ITGA8: variants seen among roughly 807,000 people sequenced by gnomAD.
The protein encoded by ITGA8 is integrin alpha-8.
Under a neutral mutation model 142.3 loss-of-function variants are expected in ITGA8, and 91 were observed. The ratio of observed to expected loss-of-function variants is 0.64; its 90% CI spans 0.54 to 0.76. The LOEUF is 0.76. Among genes scored for constraint, ITGA8 ranks in the 30% least tolerant of loss-of-function variants. The probability of loss-of-function intolerance (pLI) is 0.00; values close to 1 mark genes in which losing one functional copy is unlikely to be tolerated. For missense variants in ITGA8, 1,406 were observed against 1,327.7 expected (o/e 1.06, Z -0.92); for synonymous variants, 505 against 485.2 (o/e 1.04, Z -0.54).
At chr10:15,630,517 T>C (rs1588686011) in intron 13 of ITGA8, among the ~76,000 whole-genome samples, 1 of 151,900 alleles carries the variant, frequency 6.6e-6, no homozygotes, top group Non-Finnish European at 1.5e-5. Context: ...ACATGTGTAA[T>C]TTCCATCTGA....
At chr10:15,625,490 C>A (rs1292962028) in intron 13 of ITGA8, among the ~76,000 whole-genome samples, 1 of 152,186 alleles carries the variant, frequency 6.6e-6, no homozygotes, top group Non-Finnish European at 1.5e-5. Context: ...TTTATTTCTA[C>A]AGTACCAGTG....
Position 15,662,188 on chromosome 10 carries a change from T to C in ITGA8, c.848-1266A>G, listed in dbSNP as rs911086976. 2.6e-5 allele frequency among the ~76,000 whole-genome samples: 4 copies of C among 152,280 alleles called. No homozygotes were observed. In the East Asian group the frequency reaches 7.7e-4, roughly 29 times the overall value. ...AGTAAAGATCCTCCTAATTTTTTAA[T>C]AAGTGATCAGGACAGCTTAATTGCT... On this transcript the variant is annotated intron_variant, in intron 8 of 29. Transcript: ENST00000378076.
At chr10:15,636,649 C>T (rs547291946) in intron 13 of ITGA8, among the ~76,000 whole-genome samples, 4 of 152,316 alleles carry the variant, frequency 2.6e-5, no homozygotes, top group Non-Finnish European at 4.4e-5. Context: ...CTGCCACCTC[C>T]TCTCCCTTCC....
At chr10:15,584,301 G>A (rs572575915) in intron 23 of ITGA8, among the ~76,000 whole-genome samples, 21 of 106,404 alleles carry the variant, frequency 2.0e-4, no homozygotes, top group African/African-American at 7.7e-4. Flanking sequence ...TCAAGAAAAA[G>A]AAAAGAAAAG....
In ITGA8 at chr10:15,718,880, C is replaced by T; in HGVS notation, c.229G>A (p.Ala77Thr). The T allele has an allele frequency of 1.2e-6, 2 of 1,614,074 alleles. No homozygotes were observed. Among genetic ancestry groups the T allele is most frequent in the Non-Finnish European group, 1.7e-6 (2 of 1,180,030 alleles). Residue 77 changes from alanine (A) to threonine (T), a missense_variant, in exon 2 of 30, where the codon GCG becomes ACG. Physicochemically the swap from Ala to Thr is moderately conservative, Grantham distance 58. Transcript: ENST00000378076. ...GGCTGGCTGGTGTTGGCTTTGGGCG[C>T]CCCCACCAAGACACTCGCTCTGCAA... ...DARTASVLVG[A>T]PKANTSQPDI...
At chr10:15,534,770 G>T (rs1390619331) in intron 27 of ITGA8, among the ~76,000 whole-genome samples, 1 of 152,218 alleles carries the variant, frequency 6.6e-6, no homozygotes, top group Non-Finnish European at 1.5e-5. Context: ...GTAGCCTGGG[G>T]TGCTAGCAAA....
At chr10:15,651,717 G>A (rs1303816354) in intron 11 of ITGA8, among the ~76,000 whole-genome samples, 1 of 152,074 alleles carries the variant, frequency 6.6e-6, no homozygotes, top group Non-Finnish European at 1.5e-5. Context: ...TGTGCGTGCA[G>A]GGAAGTCCTC....
At chr10:15,698,730 A>G (rs887366973) in intron 2 of ITGA8, among the ~76,000 whole-genome samples, 1 of 152,080 alleles carries the variant, frequency 6.6e-6, no homozygotes, top group Non-Finnish European at 1.5e-5. Flanking sequence ...TTGTCTGTTC[A>G]TGTCCTTAGC....
chr10:15,609,486 A>G (rs1206059252), intron 15 of ITGA8, among the ~76,000 whole-genome samples: 2 of 152,196 alleles, frequency 1.3e-5, no homozygotes, highest in African/African-American at 4.8e-5. Context: ...ACCTCAGTCA[A>G]TGTCTCCCCT....
chr10:15,542,265 T>C (rs899324946), intron 27 of ITGA8, among the ~76,000 whole-genome samples: 1 of 152,238 alleles, frequency 6.6e-6, no homozygotes, highest in Non-Finnish European at 1.5e-5. Flanking sequence ...TGCTGCTGCA[T>C]AGAACTTTCT....
In ITGA8 at chr10:15,558,060, C is replaced by A; in HGVS notation, c.2766+14G>T. ...CTCATTTCCCTCAGTTCTATGCACA[C>A]TGGGATAACTCACCAGTATTTTTGC... is the stretch of plus-strand genomic sequence containing the variant. On this transcript the variant is annotated intron_variant, in intron 26 of 29. Transcript: ENST00000378076. 1 of 1,613,652 alleles carries A rather than the reference C, an allele frequency of 6.2e-7. No homozygotes were observed. The highest frequency in any genetic ancestry group is 1.1e-5 in the South Asian group (1 of 91,066).
chr10:15,618,949 G>C (rs1304322571), intron 13 of ITGA8, among the ~76,000 whole-genome samples: 4 of 152,206 alleles, frequency 2.6e-5, no homozygotes, highest in Non-Finnish European at 4.4e-5. Flanking sequence ...AACAGAGAGA[G>C]ACTGCAGATG....
chr10:15,718,680 C>T, intron 2 of ITGA8, 86 bp downstream of exon 2: 2 of 1,544,150 alleles, frequency 1.3e-6, no homozygotes, highest in Non-Finnish European at 1.8e-6. Flanking sequence ...ACGAGCAGCA[C>T]ACCAAGACAG....
intron 27 of ITGA8, among the ~76,000 whole-genome samples, chr10:15,541,802 G>GT (rs11318792): frequency 0.031 from 4,479 of 144,568 alleles, 80 homozygotes; most frequent in African/African-American, 0.033. Flanking sequence ...AACCTCACAA[G>GT]TTTTTTTTTT....
intron 20 of ITGA8, among the ~76,000 whole-genome samples, chr10:15,601,093 G>A (rs1043410364): frequency 1.3e-5 from 2 of 152,052 alleles, no homozygotes; most frequent in Admixed American, 6.6e-5. Context: ...ACTAAAATTA[G>A]TCAGGCGTGG....
intron 26 of ITGA8, among the ~76,000 whole-genome samples, chr10:15,553,302 G>GTTTTTTTTTTTTTTTTTTTTTT (rs5783451): frequency 7.6e-6 from 1 of 131,140 alleles, no homozygotes; most frequent in Non-Finnish European, 1.7e-5. Context: ...AGTTGCCATA[G>GTTTTTTTTTTTTTTTTTTTTTT]TTTTTTTTTT....
rs370680990 is a variant in ITGA8, at chr10:15,575,389, C to T, written c.2478+100G>A. 4 of 877,990 alleles carry T rather than the reference C, an allele frequency of 4.6e-6. No homozygotes were observed. In the African/African-American group the frequency reaches 6.7e-5, roughly 15 times the overall value. The allele number at this position is 877,990 out of a possible 1,614,324, so 54.4% of individuals were successfully genotyped here. On this transcript the variant is annotated intron_variant, in intron 24 of 29. Coordinates refer to ENST00000378076, the MANE Select transcript of ITGA8 (RefSeq NM_003638.3). The stretch of plus-strand genomic sequence containing the variant: ...TGGGAGACACAGCGAGATCCTGTCT[C>T]AATAATAATAATGATAATGATAATA...
intron 27 of ITGA8, among the ~76,000 whole-genome samples, chr10:15,543,215 C>G (rs1482328390): frequency 6.6e-6 from 1 of 152,176 alleles, no homozygotes; most frequent in Non-Finnish European, 1.5e-5. Flanking sequence ...TGGAACTGAG[C>G]TCCTGCATCC....
chr10:15,666,731 G>T (rs1033490184), intron 8 of ITGA8, among the ~76,000 whole-genome samples: 1 of 152,068 alleles, frequency 6.6e-6, no homozygotes, highest in Non-Finnish European at 1.5e-5. Context: ...AGCATGAAGC[G>T]TTGTTGAATT....
Sources: gnomAD v4.1 joint callset for allele counts (sites outside exome capture counted in the v4.1 genomes callset) on GRCh38, gnomAD v4.1.1 for gene constraint, MANE v1.5 for transcripts, NCBI Gene and HGNC (gene_info 2026-07-23, HGNC 2026-07-21) for gene names.